Variants in RSPO2 observed in about 807,000 individuals in gnomAD.
The protein encoded by RSPO2 is R-spondin 2, also known as R-spondin-2.
In RSPO2, 14 loss-of-function variants were observed where a neutral mutation model predicts 30.9. That is an observed-to-expected ratio of 0.45 (90% confidence interval 0.30 to 0.71). RSPO2 has a LOEUF of 0.71. Among genes scored for constraint, RSPO2 ranks in the 30% least tolerant of loss-of-function variants. The pLI, the probability that RSPO2 is intolerant of heterozygous loss-of-function variation, is 0.08. For synonymous variants in RSPO2, 107 were observed against 96.4 expected (o/e 1.11, Z -0.64); for missense variants, 264 against 301.9 (o/e 0.87, Z 0.93).
chr8:107,998,601 T>C (rs1414151292), intron 2 of RSPO2, among the ~76,000 whole-genome samples: 1 of 152,190 alleles, frequency 6.6e-6, no homozygotes, highest in African/African-American at 2.4e-5. Context: ...ATACCATGAT[T>C]AAAAATGTTA....
At chr8:107,921,882 A>G (rs1365426266) in intron 5 of RSPO2, among the ~76,000 whole-genome samples, 2 of 152,176 alleles carry the variant, frequency 1.3e-5, no homozygotes, top group Non-Finnish European at 2.9e-5. Context: ...AGATACAGAA[A>G]AGGCTTTTAA....
At chr8:107,921,446 C>G (rs1387651431) in intron 5 of RSPO2, among the ~76,000 whole-genome samples, 1 of 152,016 alleles carries the variant, frequency 6.6e-6, no homozygotes, top group Non-Finnish European at 1.5e-5. Flanking sequence ...ACATGGATTA[C>G]TGAATTTTCA....
intron 5 of RSPO2, among the ~76,000 whole-genome samples, chr8:107,933,576 A>G (rs1323037401): frequency 6.6e-6 from 1 of 152,238 alleles, no homozygotes; most frequent in Non-Finnish European, 1.5e-5. Flanking sequence ...TGAAGCACAT[A>G]TGCCAAGTTT....
At chr8:107,940,212 G>A (rs1324970904) in intron 5 of RSPO2, among the ~76,000 whole-genome samples, 1 of 152,040 alleles carries the variant, frequency 6.6e-6, no homozygotes, top group Non-Finnish European at 1.5e-5. Flanking sequence ...CTCAGAGGTG[G>A]TCATTTCTGC....
chr8:108,053,270 G>A (rs778508396), intron 2 of RSPO2, among the ~76,000 whole-genome samples: 9 of 152,154 alleles, frequency 5.9e-5, no homozygotes, highest in East Asian at 1.9e-4. Flanking sequence ...ATCAGCAGAA[G>A]TGTTCATCTC....
At chr8:107,955,809 C>T (rs1386568952) in intron 5 of RSPO2, among the ~76,000 whole-genome samples, 1 of 152,106 alleles carries the variant, frequency 6.6e-6, no homozygotes, top group African/African-American at 2.4e-5. Flanking sequence ...GAGCTTAAGG[C>T]TGCGTTTGTG....
intron 2 of RSPO2, among the ~76,000 whole-genome samples, chr8:108,050,089 G>T (rs1037515464): frequency 6.6e-6 from 1 of 152,116 alleles, no homozygotes; most frequent in African/African-American, 2.4e-5. Flanking sequence ...TGCAGGAGGG[G>T]TTGGGGGGAA....
At chr8:107,973,314 T>C (rs1047224054) in intron 3 of RSPO2, among the ~76,000 whole-genome samples, 1 of 152,092 alleles carries the variant, frequency 6.6e-6, no homozygotes, top group South Asian at 2.1e-4. Flanking sequence ...ATTCAGATTT[T>C]TCTAATATTT....
intron 5 of RSPO2, among the ~76,000 whole-genome samples, chr8:107,917,956 T>G (rs944529186): frequency 3.3e-4 from 51 of 152,262 alleles, no homozygotes; most frequent in African/African-American, 1.2e-3. Flanking sequence ...GCTATAGGAC[T>G]TTTTATGGGT....
chr8:108,019,105 C>A (rs1037580485), intron 2 of RSPO2, among the ~76,000 whole-genome samples: 2 of 152,062 alleles, frequency 1.3e-5, no homozygotes, highest in African/African-American at 4.8e-5. Context: ...AAAATGAATT[C>A]TACTCAAAAC....
intron 5 of RSPO2, among the ~76,000 whole-genome samples, chr8:107,922,090 G>C (rs1430771874): frequency 6.6e-6 from 1 of 152,106 alleles, no homozygotes; most frequent in Non-Finnish European, 1.5e-5. Flanking sequence ...AGTATTGGAA[G>C]TCCTGGCCAG....
At chr8:107,990,642 C>T (rs545435054) in intron 2 of RSPO2, among the ~76,000 whole-genome samples, 7 of 152,182 alleles carry the variant, frequency 4.6e-5, no homozygotes, top group South Asian at 4.2e-4. Context: ...AGCAATTTAT[C>T]GATTCAATGC....
At chr8:108,052,768 T>G (rs1211006267) in intron 2 of RSPO2, among the ~76,000 whole-genome samples, 1 of 152,198 alleles carries the variant, frequency 6.6e-6, no homozygotes, top group African/African-American at 2.4e-5. Flanking sequence ...TATAGAGATA[T>G]GAAATAATCG....
chr8:107,968,987 A>G (rs918786529), intron 3 of RSPO2, among the ~76,000 whole-genome samples: 1 of 152,138 alleles, frequency 6.6e-6, no homozygotes, highest in African/African-American at 2.4e-5. Context: ...ACTGATCACA[A>G]TCATTTGTTG....
intron 2 of RSPO2, among the ~76,000 whole-genome samples, chr8:108,051,011 T>C (rs1177971201): frequency 6.6e-6 from 1 of 152,168 alleles, no homozygotes; most frequent in African/African-American, 2.4e-5. Flanking sequence ...AAAAACCCTC[T>C]TATACCATAA....
At chr8:107,943,793 A>ACTC (rs538983175) in intron 5 of RSPO2, among the ~76,000 whole-genome samples, 1 of 152,214 alleles carries the variant, frequency 6.6e-6, no homozygotes, top group South Asian at 2.1e-4. Context: ...ACTTTAAATT[A>ACTC]CTCAAGTTAG....
intron 2 of RSPO2, among the ~76,000 whole-genome samples, chr8:108,021,206 T>A (rs1811048471): frequency 6.6e-6 from 1 of 152,180 alleles, no homozygotes; most frequent in Non-Finnish European, 1.5e-5. Context: ...GTTATATAAA[T>A]CATTGACTTG....
At chr8:108,035,824 GTT>G (rs773608317) in intron 2 of RSPO2, among the ~76,000 whole-genome samples, 276 of 152,276 alleles carry the variant, frequency 1.8e-3, no homozygotes, top group Non-Finnish European at 2.9e-3. Flanking sequence ...GACTGTTTCA[GTT>G]TCGCTGGATT....
In RSPO2 at chr8:107,991,290, A is replaced by G. The variant is rs933114573; in HGVS notation, c.95-2046T>C. Among the ~76,000 whole-genome samples, 6 of 149,358 alleles carry G rather than the reference A, an allele frequency of 4.0e-5. No individual in the cohort carries two copies. The East Asian group carries it at 7.8e-4, about 20-fold the overall frequency. On this transcript the variant is annotated intron_variant, in intron 2 of 5. Transcript: ENST00000276659. ...CACACACACACACACACACACACAC[A>G]CGCAATGGGGAAAAGATTCACTATT...
Sources: allele counts gnomAD v4.1 joint callset (sites outside exome capture counted in the v4.1 genomes callset), GRCh38; gene constraint gnomAD v4.1.1; transcripts MANE v1.5; gene names NCBI Gene and HGNC (gene_info 2026-07-23, HGNC 2026-07-21).